The following HSD3B2 variants were observed in gnomAD, a reference collection of about 807,000 sequenced individuals.
HSD3B2 encodes the protein 3 beta-hydroxysteroid dehydrogenase/Delta 5-->4-isomerase type 2.
In HSD3B2, 8 loss-of-function variants were observed where a neutral mutation model predicts 9.9. The ratio of observed to expected loss-of-function variants is 0.81; its 90% CI spans 0.47 to 1.46. The LOEUF (loss-of-function observed/expected upper bound fraction) is 1.46, where lower values mean the gene tolerates loss of function less well. HSD3B2 is among the 40% of genes most tolerant of loss of function. HSD3B2 has a pLI of 0.00. For missense variants in HSD3B2, 410 were observed against 448.3 expected, an observed-to-expected ratio of 0.91 and a Z score of 0.77; for synonymous variants, 221 against 184.5, an observed-to-expected ratio of 1.20 and a Z score of -1.60.
Position 119,422,259 on chromosome 1 carries a change from A to G in HSD3B2, c.758A>G (p.Tyr253Cys). ...KKAPSVRGQF[Y>C]YISDDTPHQS... ...GCCCCAAGTGTCCGAGGTCAATTCT[A>G]TTACATCTCAGATGACACGCCTCAC... is the stretch of plus-strand genomic sequence containing the variant. The change falls in exon 4 of 4, where the codon TAT becomes TGT. Residue 253 changes from tyrosine to cysteine, a missense_variant. By Grantham distance (194) the Tyr-to-Cys change is radical. Coordinates refer to ENST00000369416, the MANE Select transcript of HSD3B2 (RefSeq NM_000198.4). 1 of 1,613,992 alleles carries G rather than the reference A, an allele frequency of 6.2e-7. No homozygotes were observed. Among genetic ancestry groups the G allele is most frequent in the East Asian group, 2.2e-5 (1 of 44,824 alleles).
intron 3 of HSD3B2, among the ~76,000 whole-genome samples, chr1:119,420,831 T>C (rs3765948): frequency 0.25 from 37,538 of 152,028 alleles, 7,029 homozygotes; most frequent in African/African-American, 0.52. Context: ...GTCTTCCCAG[T>C]GCAGGTGTTA....
rs1478809163 is a variant in HSD3B2 at position 119,422,649 on chromosome 1, GT to G, written c.*30del. 7 of 1,611,484 alleles carry G rather than the reference GT, an allele frequency of 4.3e-6. No homozygotes were observed. The African/African-American group carries it at 8.0e-5, about 18-fold the overall frequency. ...AAGGATGACAGAGATGTGCATGTGG[GT>G]ATTGTTAGGAAATGTCATCAAACTC... On this transcript the variant is annotated 3_prime_UTR_variant, in exon 4 of 4. Transcript: ENST00000369416.
rs1651928446 is a variant in HSD3B2, at chr1:119,422,692, T to C, written c.*72T>C. Reference sequence around the variant, plus strand: ...ATCAAACTCCACCCACCTGGCTTCATACAGAAGGCAACAGGGGCACAAGCC... The same window carrying C: ...ATCAAACTCCACCCACCTGGCTTCACACAGAAGGCAACAGGGGCACAAGCC... On this transcript the variant is annotated 3_prime_UTR_variant, in exon 4 of 4. Transcript: ENST00000369416. The C allele has an allele frequency of 6.4e-7, 1 of 1,570,582 alleles. No homozygotes were observed. Among genetic ancestry groups the C allele is most frequent in the Non-Finnish European group, 8.7e-7 (1 of 1,150,570 alleles).
At position 119,422,215 on chromosome 1, in the gene HSD3B2, T is replaced by C. The variant is rs745608432; in HGVS notation, c.714T>C (p.Ala238=). ...GGGCCCACATTCTGGCCTTGAGGGC[T>C]CTGCGGGACCCCAAGAAGGCCCCAA... ...VAWAHILALR[A]LRDPKKAPSV... is the part of the protein sequence containing the mutation. The change falls in exon 4 of 4, where the codon GCT becomes GCC. Residue 238 remains alanine (A), a synonymous_variant. Coordinates refer to ENST00000369416, the MANE Select transcript of HSD3B2 (RefSeq NM_000198.4). 4.5e-5 allele frequency: 72 copies of C among 1,613,958 alleles called. No homozygotes were observed. The highest frequency in any genetic ancestry group is 1.7e-4 in the Admixed American group (10 of 60,022).
At chr1:119,420,196 C>G (rs1239790179) in intron 3 of HSD3B2, among the ~76,000 whole-genome samples, 1 of 152,158 alleles carries the variant, frequency 6.6e-6, no homozygotes, top group Non-Finnish European at 1.5e-5. Flanking sequence ...ACCACAGGGT[C>G]TACTATTACA....
At position 119,422,460 on chromosome 1, in the gene HSD3B2, C is replaced by T. The variant is rs1651916655; in HGVS notation, c.959C>T (p.Thr320Ile). ...YQPPFNRHTV[T>I]LSNSVFTFSY... ...CCCCCCTTCAACCGCCACACAGTCACATTATCAAATAGTGTGTTCACCTTC... is the reference window on the plus strand; with the variant it reads ...CCCCCCTTCAACCGCCACACAGTCATATTATCAAATAGTGTGTTCACCTTC... The change falls in exon 4 of 4, where the codon ACA (threonine) becomes ATA (isoleucine). Residue 320 changes from threonine to isoleucine, a missense_variant. Thr to Ile is a moderately conservative substitution (Grantham distance 89). Coordinates refer to ENST00000369416, the MANE Select transcript of HSD3B2 (RefSeq NM_000198.4). 2 of 1,613,980 alleles carry T rather than the reference C, an allele frequency of 1.2e-6. No individual in the cohort carries two copies. Among genetic ancestry groups the T allele is most frequent in the Non-Finnish European group, 8.5e-7 (1 of 1,180,006 alleles).
chr1:119,419,540 G>T lies in HSD3B2; in HGVS notation c.265G>T (p.Gly89Cys). ...CACCGCCTGTATCATTGATGTCTTT[G>T]GTGTCACTCACAGAGAGTCCATCAT... The part of the protein sequence containing the change: ...IHTACIIDVF[G>C]VTHRESIMNV... The change falls in exon 3 of 4, where the codon GGT (glycine) becomes TGT (cysteine). Residue 89 changes from glycine to cysteine, a missense_variant. Transcript: ENST00000369416. 2 of 1,613,858 alleles carry T rather than the reference G, an allele frequency of 1.2e-6. No individual in the cohort carries two copies. Among genetic ancestry groups the T allele is most frequent in the South Asian group, 1.1e-5 (1 of 91,060 alleles).
Position 119,422,674 on chromosome 1 carries a change from TCCAC to T in HSD3B2, c.*60_*63del. On this transcript the variant is annotated 3_prime_UTR_variant, in exon 4 of 4. Transcript: ENST00000369416. ...GTATTGTTAGGAAATGTCATCAAAC[TCCAC>T]CCACCTGGCTTCATACAGAAGGCAA... 1 of 1,600,106 alleles carries T rather than the reference TCCAC, an allele frequency of 6.2e-7. No homozygotes were observed.
Position 119,422,454 on chromosome 1 carries a change from C to T in HSD3B2, c.953C>T (p.Thr318Ile), listed in dbSNP as rs771113815. The part of the protein sequence containing the change: ...YSYQPPFNRH[T>I]VTLSNSVFTF... ...TATCAACCCCCCTTCAACCGCCACA[C>T]AGTCACATTATCAAATAGTGTGTTC... The change falls in exon 4 of 4, where the codon ACA becomes ATA. Residue 318 changes from threonine to isoleucine, a missense_variant. By Grantham distance (89) the Thr-to-Ile change is moderately conservative (BLOSUM62 -1). Coordinates refer to ENST00000369416, the MANE Select transcript of HSD3B2 (RefSeq NM_000198.4). 1 of 1,614,156 alleles carries T rather than the reference C, an allele frequency of 6.2e-7. No individual in the cohort carries two copies. Among genetic ancestry groups the T allele is most frequent in the South Asian group, 1.1e-5 (1 of 91,088 alleles).
intron 3 of HSD3B2, 28 bp downstream of exon 3, chr1:119,419,610 C>T (rs1651805764): frequency 6.2e-7 from 1 of 1,608,742 alleles, no homozygotes; most frequent in Non-Finnish European, 8.5e-7. Flanking sequence ...GGAGATAAAA[C>T]AAGTTGGTTA....
Position 119,415,388 on chromosome 1 carries a change from CAAGT to C in HSD3B2, c.-31_-28del. On this transcript the variant is annotated 5_prime_UTR_variant, in exon 2 of 4. Coordinates refer to ENST00000369416, the MANE Select transcript of HSD3B2 (RefSeq NM_000198.4). ...CTCTCCAGCATCTTCTGTTTCCTGG[CAAGT>C]GTTTCCTGCTACTTTGGATTGGCCA... The C allele has an allele frequency of 6.2e-7, 1 of 1,612,548 alleles. No homozygotes were observed. Among genetic ancestry groups the C allele is most frequent in the Non-Finnish European group, 8.5e-7 (1 of 1,179,012 alleles).
At chr1:119,418,955 T>C (rs1033640980) in intron 2 of HSD3B2, among the ~76,000 whole-genome samples, 7 of 152,148 alleles carry the variant, frequency 4.6e-5, no homozygotes, top group Non-Finnish European at 7.3e-5. Flanking sequence ...CCGGCCTGTT[T>C]CTCTACTTAT....
At chr1:119,421,700 T>C in intron 3 of HSD3B2, 109 bp from the exon 4 acceptor site, 1 of 1,242,576 alleles carries the variant, frequency 8.0e-7, no homozygotes, top group Non-Finnish European at 1.2e-6. Context: ...CCTGAGTCTG[T>C]TATAACCACT....
At chr1:119,417,821 T>C (rs1651751146) in intron 2 of HSD3B2, among the ~76,000 whole-genome samples, 2 of 152,188 alleles carry the variant, frequency 1.3e-5, no homozygotes. Flanking sequence ...CAGCTATTCC[T>C]GCACCTGGGG....
Position 119,422,056 on chromosome 1 carries a change from A to G in HSD3B2, c.555A>G (p.Arg185=). 1 of 1,614,006 alleles carries G rather than the reference A, an allele frequency of 6.2e-7. No individual in the cohort carries two copies. Among genetic ancestry groups the G allele is most frequent in the Non-Finnish European group, 8.5e-7 (1 of 1,179,968 alleles). ...ATACCTTGTACACTTGTGCGTTAAG[A>G]CCCACATATATCTATGGGGAAGGAG... ...NGDTLYTCAL[R]PTYIYGEGGP... Residue 185 remains arginine (R), a synonymous_variant, in exon 4 of 4, where the codon AGA becomes AGG. Transcript: ENST00000369416.
chr1:119,415,582 G>T, intron 2 of HSD3B2, 21 bp downstream of exon 2: 1 of 1,613,144 alleles, frequency 6.2e-7, no homozygotes. Context: ...TTGAGTCATG[G>T]GTCTGTGGCT....
intron 3 of HSD3B2, among the ~76,000 whole-genome samples, chr1:119,421,467 A>T (rs1408824470): frequency 0.38 from 8,303 of 21,658 alleles, 539 homozygotes; most frequent in South Asian, 0.49. Flanking sequence ...ATATATATGT[A>T]TATATATATG....
rs1651891328 is a variant in HSD3B2 at position 119,421,996 on chromosome 1, G to A, written c.495G>A (p.Val165=). The A allele has an allele frequency of 4.3e-6, 7 of 1,614,136 alleles. No individual in the cohort carries two copies. Among genetic ancestry groups the A allele is most frequent in the African/African-American group, 4.0e-5 (3 of 75,038 alleles). ...PYSKKLAEKA[V]LAANGWNLKN... Reference sequence around the variant, plus strand: ...GCAAAAAGCTTGCTGAGAAGGCTGTGCTGGCGGCTAATGGGTGGAATCTAA... The same window carrying A: ...GCAAAAAGCTTGCTGAGAAGGCTGTACTGGCGGCTAATGGGTGGAATCTAA... Residue 165 remains valine, a synonymous_variant, in exon 4 of 4, where the codon GTG becomes GTA. Coordinates refer to ENST00000369416, the MANE Select transcript of HSD3B2 (RefSeq NM_000198.4).
chr1:119,422,774 T>C lies in HSD3B2; in HGVS notation c.*154T>C, dbSNP rs1279267046. On this transcript the variant is annotated 3_prime_UTR_variant, in exon 4 of 4. Transcript: ENST00000369416. ...CCAACTTACTGTCTTCTTCATGTCATCAAAATCTGCACAGTCACTGGCCCA... is the reference window on the plus strand; with the variant it reads ...CCAACTTACTGTCTTCTTCATGTCACCAAAATCTGCACAGTCACTGGCCCA... The C allele has an allele frequency of 7.8e-6, 7 of 892,352 alleles. No individual in the cohort carries two copies. Among genetic ancestry groups the C allele is most frequent in the Non-Finnish European group, 1.1e-5 (6 of 560,912 alleles). 55.3% of individuals were successfully genotyped at this position (892,352 alleles called of 1,614,324 possible).
Sources: allele counts gnomAD v4.1 joint callset (sites outside exome capture counted in the v4.1 genomes callset), GRCh38; gene constraint gnomAD v4.1.1; transcripts MANE v1.5; gene names NCBI Gene and HGNC (gene_info 2026-07-23, HGNC 2026-07-21).